The following SLC5A4 variants were observed in gnomAD, a reference collection of about 807,000 sequenced individuals.
SLC5A4 encodes the protein solute carrier family 5 member 4, also known as probable glucose sensor protein SLC5A4.
Under a neutral mutation model 70.3 loss-of-function variants are expected in SLC5A4, and 55 were observed. The ratio of observed to expected loss-of-function variants is 0.78; its 90% CI spans 0.63 to 0.98. The LOEUF is 0.98. SLC5A4 is among the 50% of genes least tolerant of loss of function. The probability of loss-of-function intolerance (pLI) is 0.00; values close to 1 mark genes in which losing one functional copy is unlikely to be tolerated. For missense variants in SLC5A4, 735 were observed against 839.2 expected (o/e 0.88, Z 1.53); for synonymous variants, 268 against 305.7 (o/e 0.88, Z 1.29).
rs1388481963 is a variant in SLC5A4, at chr22:32,230,976, A to G, written c.1121T>C (p.Met374Thr). The G allele has an allele frequency of 6.2e-7, 1 of 1,610,738 alleles. No homozygotes were observed. Among genetic ancestry groups the G allele is most frequent in the Admixed American group, 1.7e-5 (1 of 60,028 alleles). Residue 374 changes from methionine to threonine, a missense_variant, in exon 10 of 15, where the codon ATG (methionine) becomes ACG (threonine). Physicochemically the swap from Met to Thr is moderately conservative, Grantham distance 81 (BLOSUM62 -1). Transcript: ENST00000266086. ...CAGGGACATTTTCCTACCTTGGGGC[A>G]TCAGTTCCAGCACCATCGTGGGGTA... ...YAYPTMVLEL[M>T]PQGLRGLMLS... is the part of the protein sequence containing the mutation.
intron 5 of SLC5A4, among the ~76,000 whole-genome samples, chr22:32,245,911 A>C (rs1282704642): frequency 6.6e-6 from 1 of 152,046 alleles, no homozygotes; most frequent in African/African-American, 2.4e-5. Context: ...AGACGTGTGA[A>C]CTCTAAGCCC....
chr22:32,222,931 C>T (rs151160929), intron 13 of SLC5A4, among the ~76,000 whole-genome samples: 2,737 of 152,216 alleles, frequency 0.018, 95 homozygotes, highest in African/African-American at 0.062. Flanking sequence ...AGTGTCTCCC[C>T]ACTCCCTGAG....
chr22:32,321,831 G>A, the SLC5A4 span, among the ~76,000 whole-genome samples: 2 of 152,176 alleles, frequency 1.3e-5, no homozygotes, highest in Non-Finnish European at 2.9e-5. Flanking sequence ...GTATTCCATG[G>A]TGCCTATACA....
At chr22:32,234,732 G>A in intron 8 of SLC5A4, 141 bp downstream of exon 8, 1 of 705,556 alleles carries the variant, frequency 1.4e-6, no homozygotes, top group Non-Finnish European at 2.4e-6. Flanking sequence ...AAACAGAGAA[G>A]GGTTTGACTC....
chr22:32,272,862 C>T, the SLC5A4 span: 1 of 511,734 alleles, frequency 2.0e-6, no homozygotes, highest in Admixed American at 2.3e-5. Flanking sequence ...AGAAAACCTA[C>T]TGGAGGCTGC....
chr22:32,272,597 G>T, the SLC5A4 span: 2 of 617,396 alleles, frequency 3.2e-6, no homozygotes, highest in South Asian at 3.8e-5. Context: ...ACACCCAGCT[G>T]GGTTTTCTGG....
chr22:32,263,704 T>C, the SLC5A4 span, among the ~76,000 whole-genome samples: 1 of 152,208 alleles, frequency 6.6e-6, no homozygotes, highest in Non-Finnish European at 1.5e-5. Context: ...ACTGGGTATA[T>C]ACCTAAAGGA....
chr22:32,242,405 G>A (rs1310589577), intron 5 of SLC5A4, among the ~76,000 whole-genome samples: 1 of 152,110 alleles, frequency 6.6e-6, no homozygotes, highest in Non-Finnish European at 1.5e-5. Flanking sequence ...CTGGCCAAAT[G>A]TGGTGTAAGT....
intron 7 of SLC5A4, 56 bp from the exon 8 acceptor site, chr22:32,235,149 G>T: frequency 1.5e-6 from 2 of 1,292,180 alleles, no homozygotes; most frequent in Non-Finnish European, 2.2e-6. Context: ...GACATCCAAT[G>T]TTTATGATGA....
chr22:32,313,759 A>G, the SLC5A4 span, among the ~76,000 whole-genome samples: 1 of 152,236 alleles, frequency 6.6e-6, no homozygotes, highest in African/African-American at 2.4e-5. Context: ...AGGGGTGGTC[A>G]CATGACCCAG....
the SLC5A4 span, among the ~76,000 whole-genome samples, chr22:32,347,494 A>G: frequency 0.046 from 6,899 of 150,568 alleles, 306 homozygotes; most frequent in African/African-American, 0.12. Flanking sequence ...AGAAAATGTG[A>G]CACATATACA....
At chr22:32,335,668 C>A in the SLC5A4 span, among the ~76,000 whole-genome samples, 1 of 152,178 alleles carries the variant, frequency 6.6e-6, no homozygotes, top group Non-Finnish European at 1.5e-5. Context: ...CCAGCCCAGG[C>A]GGCCCCAGAG....
the SLC5A4 span, among the ~76,000 whole-genome samples, chr22:32,325,403 A>G: frequency 2.6e-5 from 4 of 151,310 alleles, no homozygotes; most frequent in East Asian, 7.8e-4. Flanking sequence ...GCAGCCACAG[A>G]GCTGGGCCCT....
chr22:32,255,864 A>G (rs2145711034), upstream of SLC5A4, among the ~76,000 whole-genome samples: 1 of 152,204 alleles, frequency 6.6e-6, no homozygotes. Context: ...CCTGTATAGG[A>G]AAGGAAGTGG....
the SLC5A4 span, among the ~76,000 whole-genome samples, chr22:32,321,137 T>C: frequency 6.6e-6 from 1 of 152,076 alleles, no homozygotes; most frequent in African/African-American, 2.4e-5. Context: ...AACACAAAAA[T>C]AAGCTGGGCA....
intron 13 of SLC5A4, 121 bp from the exon 14 acceptor site, chr22:32,221,143 A>C: frequency 1.8e-6 from 1 of 555,398 alleles, no homozygotes; most frequent in Non-Finnish European, 3.2e-6. Context: ...AGGAGAATAT[A>C]GATCACAAAG....
the SLC5A4 span, among the ~76,000 whole-genome samples, chr22:32,305,157 G>A: frequency 6.6e-6 from 1 of 152,106 alleles, no homozygotes; most frequent in African/African-American, 2.4e-5. Flanking sequence ...GGGTTATTAT[G>A]TACTTTTAAA....
the SLC5A4 span, chr22:32,269,775 GACT>G: frequency 4.4e-6 from 3 of 681,752 alleles, no homozygotes; most frequent in East Asian, 1.1e-4. The surrounding 1 kb of genome is among the most constrained non-coding windows in gnomAD (Gnocchi z 4.1). Flanking sequence ...AATCCCCCTG[GACT>G]GCGCCCAGGC....
At chr22:32,306,048 G>C in the SLC5A4 span, among the ~76,000 whole-genome samples, 1 of 152,136 alleles carries the variant, frequency 6.6e-6, no homozygotes, top group Non-Finnish European at 1.5e-5. Flanking sequence ...CTCCCCTACA[G>C]AATGACAAAT....
Sources: gnomAD v4.1 joint callset for allele counts (sites outside exome capture counted in the v4.1 genomes callset) on GRCh38, gnomAD v4.1.1 for gene constraint, Gnocchi (gnomAD v3.1) non-coding constraint, MANE v1.5 for transcripts, NCBI Gene and HGNC (gene_info 2026-07-23, HGNC 2026-07-21) for gene names.